The following PLXNA4 variants were observed in gnomAD, a reference collection of about 807,000 sequenced individuals.
PLXNA4 encodes plexin A4.
A neutral mutation model predicts 191.8 loss-of-function variants in PLXNA4; 44 were observed. The ratio of observed to expected loss-of-function variants is 0.23; its 90% CI spans 0.18 to 0.29. The LOEUF (loss-of-function observed/expected upper bound fraction) is 0.29. Ranked by LOEUF, PLXNA4 falls within the 10% of genes least tolerant of loss-of-function variation. The pLI, the probability that PLXNA4 is intolerant of heterozygous loss-of-function variation, is 1.00. For missense variants in PLXNA4, 1,800 were observed against 2,488.8 expected (o/e 0.72, Z 5.89); for synonymous variants, 1,082 against 1,009.5 (o/e 1.07, Z -1.36).
chr7:132,378,901 G>C (rs1804775072), intron 3 of PLXNA4, among the ~76,000 whole-genome samples: 3 of 149,206 alleles, frequency 2.0e-5, no homozygotes, highest in South Asian at 4.3e-4. Flanking sequence ...GCCCAGGCTG[G>C]AGTGCAATGG....
chr7:132,615,210 C>A (rs1432682853), intron 2 of PLXNA4, among the ~76,000 whole-genome samples: 1 of 151,836 alleles, frequency 6.6e-6, no homozygotes. Context: ...ACCGGTGGAG[C>A]GGGAGGGGGG....
At chr7:132,504,239 C>T (rs767355922) in intron 2 of PLXNA4, among the ~76,000 whole-genome samples, 1 of 152,258 alleles carries the variant, frequency 6.6e-6, no homozygotes, top group Non-Finnish European at 1.5e-5. Flanking sequence ...CTGTGCGGTC[C>T]TCAGGCTCTG....
chr7:132,608,562 C>A (rs1292341848), intron 2 of PLXNA4, among the ~76,000 whole-genome samples: 1 of 152,166 alleles, frequency 6.6e-6, no homozygotes, highest in Admixed American at 6.5e-5. Flanking sequence ...ATAAGGCATT[C>A]ACCCTTTGCC....
intron 3 of PLXNA4, among the ~76,000 whole-genome samples, chr7:132,333,932 G>A (rs1802701758): frequency 6.6e-6 from 1 of 152,080 alleles, no homozygotes; most frequent in Non-Finnish European, 1.5e-5. Context: ...TCCTCTCCGG[G>A]GTCCTGGAAG....
intron 3 of PLXNA4, among the ~76,000 whole-genome samples, chr7:132,390,961 A>G (rs1002035973): frequency 1.3e-5 from 2 of 152,160 alleles, no homozygotes; most frequent in African/African-American, 4.8e-5. Context: ...AGTGGATGGG[A>G]AGGAACGCAG....
intron 2 of PLXNA4, among the ~76,000 whole-genome samples, chr7:132,642,984 C>T (rs1351906425): frequency 1.4e-5 from 2 of 143,886 alleles, no homozygotes; most frequent in Non-Finnish European, 3.0e-5. Context: ...GAAGGATACA[C>T]AAGAAATTAA....
chr7:132,199,230 C>T (rs1797355529), intron 12 of PLXNA4, among the ~76,000 whole-genome samples: 1 of 152,200 alleles, frequency 6.6e-6, no homozygotes, highest in Non-Finnish European at 1.5e-5. Context: ...AGGTCTGTCT[C>T]CCTCCTTGTG....
At chr7:132,188,954 GAA>G (rs1491330880) in intron 14 of PLXNA4, among the ~76,000 whole-genome samples, 3 of 41,246 alleles carry the variant, frequency 7.3e-5, no homozygotes, top group South Asian at 1.9e-3. Flanking sequence ...TCCCAGAGAG[GAA>G]AGGAAAGGAA....
chr7:132,147,228 T>A (rs1311308020), intron 27 of PLXNA4, among the ~76,000 whole-genome samples: 1 of 152,214 alleles, frequency 6.6e-6, no homozygotes, highest in Non-Finnish European at 1.5e-5. Context: ...TGTTGTGAAA[T>A]GAGTACTGAG....
chr7:132,510,427 C>T (rs924353258), intron 1 of PLXNA4, among the ~76,000 whole-genome samples: 9 of 151,456 alleles, frequency 5.9e-5, no homozygotes, highest in Admixed American at 5.3e-4. Flanking sequence ...CAACCAAGAG[C>T]AGTGCTGAAA....
intron 2 of PLXNA4, among the ~76,000 whole-genome samples, chr7:132,644,019 G>A (rs1803806618): frequency 6.6e-6 from 1 of 152,144 alleles, no homozygotes; most frequent in South Asian, 2.1e-4. Flanking sequence ...GTATTATTTT[G>A]TGAAAATGTT....
chr7:132,362,202 C>G (rs1019279581), intron 3 of PLXNA4, among the ~76,000 whole-genome samples: 1 of 152,212 alleles, frequency 6.6e-6, no homozygotes, highest in Non-Finnish European at 1.5e-5. Flanking sequence ...GATGGAGAGG[C>G]CTCCAGTTCA....
At chr7:132,384,300 A>C (rs1585062179) in intron 3 of PLXNA4, 1 of 985,344 alleles carries the variant, frequency 1.0e-6, no homozygotes, top group Middle Eastern at 5.2e-4. Flanking sequence ...ACCAGTCGCT[A>C]ATTTTACATC....
intron 3 of PLXNA4, among the ~76,000 whole-genome samples, chr7:132,337,437 C>A (rs963157187): frequency 6.6e-6 from 1 of 152,204 alleles, no homozygotes; most frequent in Non-Finnish European, 1.5e-5. Flanking sequence ...CTGTGTTGTG[C>A]ACATTCATAC....
In PLXNA4 at chr7:132,304,977, T is replaced by C. The variant is rs1801452861; in HGVS notation, c.1372-6755A>G. 3.3e-5 allele frequency among the ~76,000 whole-genome samples: 5 copies of C among 152,308 alleles called. 1 individual carries two copies. The highest frequency in any genetic ancestry group is 2.1e-4 in the South Asian group (1 of 4,820). ...GGGCCTCATTCTAATCCAGGCTCAT[T>C]TGATGCACCCATGCCTTCTCTTCCC... On this transcript the variant is annotated intron_variant, in intron 3 of 31. Coordinates refer to ENST00000321063, the MANE Select transcript of PLXNA4 (RefSeq NM_020911.2).
chr7:132,414,493 G>C (rs1794583906), intron 3 of PLXNA4, among the ~76,000 whole-genome samples: 1 of 152,156 alleles, frequency 6.6e-6, no homozygotes, highest in Non-Finnish European at 1.5e-5. Flanking sequence ...AGACTGGGGT[G>C]GCAGAGAGGT....
At chr7:132,255,956 T>C (rs538917950) in intron 4 of PLXNA4, among the ~76,000 whole-genome samples, 6 of 152,372 alleles carry the variant, frequency 3.9e-5, no homozygotes, top group South Asian at 4.1e-4. Flanking sequence ...GTTATCTGTG[T>C]TCTTTATTTA....
intron 23 of PLXNA4, 66 bp downstream of exon 23, chr7:132,165,068 G>A (rs1483917097): frequency 7.6e-6 from 12 of 1,577,888 alleles, no homozygotes; most frequent in Admixed American, 5.2e-5. Flanking sequence ...GGTGTGGAGC[G>A]ATCCCCAGTC....
intron 4 of PLXNA4, among the ~76,000 whole-genome samples, chr7:132,290,098 C>T (rs150565828): frequency 1.3e-5 from 2 of 152,304 alleles, no homozygotes; most frequent in East Asian, 1.9e-4. Context: ...ACTTGAGCAC[C>T]GGCAGCTCAG....
Sources: gnomAD v4.1 joint callset for allele counts (sites outside exome capture counted in the v4.1 genomes callset) on GRCh38, gnomAD v4.1.1 for gene constraint, MANE v1.5 for transcripts, NCBI Gene and HGNC (gene_info 2026-07-23, HGNC 2026-07-21) for gene names.